The following ANO4 variants were observed in gnomAD, a reference collection of about 807,000 sequenced individuals.
ANO4 encodes anoctamin-4.
A neutral mutation model predicts 141.9 loss-of-function variants in ANO4; 69 were observed. That is an observed-to-expected ratio of 0.49 (90% confidence interval 0.40 to 0.59). ANO4 has a LOEUF of 0.59. Ranked by LOEUF, ANO4 falls within the 20% of genes least tolerant of loss-of-function variation. The pLI is 0.00. For missense variants in ANO4, 894 were observed against 1,162.2 expected (o/e 0.77, Z 3.36); for synonymous variants, 350 against 394.3 (o/e 0.89, Z 1.33).
chr12:101,077,245 G>A (rs2049057461), intron 14 of ANO4, among the ~76,000 whole-genome samples: 1 of 152,324 alleles, frequency 6.6e-6, no homozygotes, highest in Non-Finnish European at 1.5e-5. Context: ...GAGGAATTAA[G>A]TACATCCTGT....
chr12:101,080,991 G>GA (rs61396323), intron 15 of ANO4, among the ~76,000 whole-genome samples: 3 of 138,976 alleles, frequency 2.2e-5, no homozygotes, highest in African/African-American at 8.1e-5. Context: ...CTAGAACCTA[G>GA]AAAAAAAATA....
intron 2 of ANO4, among the ~76,000 whole-genome samples, chr12:100,738,701 T>C (rs2135463738): frequency 6.6e-6 from 1 of 152,094 alleles, no homozygotes; most frequent in South Asian, 2.1e-4. Flanking sequence ...ACCGCATATA[T>C]TTAAGGTGCA....
chr12:100,727,397 C>T (rs1025531150), intron 1 of ANO4, among the ~76,000 whole-genome samples: 1 of 152,170 alleles, frequency 6.6e-6, no homozygotes, highest in Admixed American at 6.5e-5. Context: ...GATAATTGAA[C>T]CCTGAACCTT....
chr12:101,124,008 G>A (rs1322690258), intron 26 of ANO4, among the ~76,000 whole-genome samples: 5 of 152,082 alleles, frequency 3.3e-5, no homozygotes, highest in Non-Finnish European at 7.4e-5. Context: ...GGGTAAAATG[G>A]TATTTCTGCT....
intron 1 of ANO4, among the ~76,000 whole-genome samples, chr12:100,720,670 A>G (rs2030824202): frequency 1.3e-5 from 2 of 152,062 alleles, no homozygotes; most frequent in South Asian, 2.1e-4. Context: ...TTTGGATGAC[A>G]TTGGTTAGAT....
At chr12:101,035,913 C>T (rs1452658815) in intron 9 of ANO4, among the ~76,000 whole-genome samples, 3 of 152,104 alleles carry the variant, frequency 2.0e-5, no homozygotes, top group African/African-American at 7.2e-5. Context: ...ATGCTCATTA[C>T]CTGGGTGACA....
At chr12:100,840,161 T>G (rs2056074) in intron 1 of ANO4, among the ~76,000 whole-genome samples, 125,775 of 151,832 alleles carry the variant, frequency 0.83, 52,131 homozygotes, top group Admixed American at 0.87. Context: ...GGGACCACTG[T>G]CTTAGAAAAC....
intron 24 of ANO4, among the ~76,000 whole-genome samples, chr12:101,116,299 ATATC>A (rs1287321110): frequency 1.3e-5 from 2 of 152,196 alleles, no homozygotes; most frequent in African/African-American, 4.8e-5. Flanking sequence ...CATTTTGAGA[ATATC>A]TATAAATATA....
At chr12:101,085,781 C>T (rs2136897146) in intron 16 of ANO4, among the ~76,000 whole-genome samples, 1 of 152,276 alleles carries the variant, frequency 6.6e-6, no homozygotes, top group South Asian at 2.1e-4. Context: ...GTTCACTCAA[C>T]AGCAAATAAC....
At chr12:101,042,797 G>C (rs2047460386) in intron 12 of ANO4, among the ~76,000 whole-genome samples, 1 of 152,052 alleles carries the variant, frequency 6.6e-6, no homozygotes, top group South Asian at 2.1e-4. Flanking sequence ...CTGCAAAATA[G>C]TGAACTAACA....
chr12:100,899,703 AC>A (rs745657959), intron 1 of ANO4, among the ~76,000 whole-genome samples: 3 of 151,872 alleles, frequency 2.0e-5, no homozygotes, highest in Non-Finnish European at 4.4e-5. Context: ...CTTTGACATG[AC>A]CTATGATTGG....
chr12:100,900,348 C>T (rs1420240889), intron 1 of ANO4, among the ~76,000 whole-genome samples: 1 of 151,918 alleles, frequency 6.6e-6, no homozygotes, highest in Non-Finnish European at 1.5e-5. Flanking sequence ...TACATGTGCA[C>T]AACGTGCAGG....
At chr12:101,081,943 A>G (rs1027565480) in intron 15 of ANO4, among the ~76,000 whole-genome samples, 1 of 151,910 alleles carries the variant, frequency 6.6e-6, no homozygotes, top group Admixed American at 6.6e-5. Flanking sequence ...CTTAATTACC[A>G]CTATAAAAAA....
chr12:100,722,698 T>C (rs1170866012), intron 1 of ANO4, among the ~76,000 whole-genome samples: 1 of 152,204 alleles, frequency 6.6e-6, no homozygotes, highest in Admixed American at 6.5e-5. Flanking sequence ...ATCTTTGTGT[T>C]CCTTGTGCCT....
chr12:100,810,565 G>A (rs1239837225), intron 1 of ANO4, among the ~76,000 whole-genome samples: 1 of 152,186 alleles, frequency 6.6e-6, no homozygotes, highest in African/African-American at 2.4e-5. Context: ...TGGTGCAGAG[G>A]TCCAGAAAGG....
At chr12:100,953,397 GTAT>G (rs1330470728) in intron 5 of ANO4, among the ~76,000 whole-genome samples, 1 of 152,220 alleles carries the variant, frequency 6.6e-6, no homozygotes, top group Non-Finnish European at 1.5e-5. Context: ...TGTAAGCTGA[GTAT>G]TATTAATTGA....
In ANO4 at chr12:101,023,897, T is replaced by A. The variant is rs369903363; in HGVS notation, c.841+3757T>A. Among the ~76,000 whole-genome samples, 20 of 152,360 alleles carry A rather than the reference T, an allele frequency of 1.3e-4. No homozygotes were observed. The South Asian group carries it at 2.1e-3, about 16-fold the overall frequency. On this transcript the variant is annotated intron_variant, in intron 9 of 27. Coordinates refer to ENST00000392977, the MANE Select transcript of ANO4 (RefSeq NM_001286615.2). The stretch of plus-strand genomic sequence containing the variant: ...AGAAATTTTAATTTCTTGATAGAAC[T>A]AATGTTTATCCAGTATTATTTTCTG...
At chr12:100,797,927 G>A (rs2034433666) in intron 1 of ANO4, among the ~76,000 whole-genome samples, 1 of 152,140 alleles carries the variant, frequency 6.6e-6, no homozygotes, top group Non-Finnish European at 1.5e-5. Context: ...TCCAAATGTT[G>A]AAACCATAAT....
intron 22 of ANO4, among the ~76,000 whole-genome samples, chr12:101,109,586 CA>C (rs756547360): frequency 2.6e-5 from 4 of 151,852 alleles, no homozygotes; most frequent in Non-Finnish European, 5.9e-5. Flanking sequence ...ACAAAACAAA[CA>C]AAAAAGATGT....
Sources: allele counts gnomAD v4.1 joint callset (sites outside exome capture counted in the v4.1 genomes callset), GRCh38; gene constraint gnomAD v4.1.1; transcripts MANE v1.5; gene names NCBI Gene and HGNC (gene_info 2026-07-23, HGNC 2026-07-21).